The following ZNF385D variants were observed in gnomAD, a reference collection of about 807,000 sequenced individuals.
ZNF385D encodes zinc finger protein 659.
Under a neutral mutation model 35.8 loss-of-function variants are expected in ZNF385D, and 15 were observed. The observed-to-expected ratio is 0.42, with a 90% CI of 0.28 to 0.64. ZNF385D has a LOEUF of 0.64. ZNF385D is among the 30% of genes least tolerant of loss of function. The pLI is 0.23. For missense variants in ZNF385D, 474 were observed against 494.6 expected, an observed-to-expected ratio of 0.96 and a Z score of 0.39; for synonymous variants, 212 against 186.8, an observed-to-expected ratio of 1.13 and a Z score of -1.10.
intron 3 of ZNF385D, among the ~76,000 whole-genome samples, chr3:21,924,645 A>G (rs1230472200): frequency 6.6e-6 from 1 of 152,178 alleles, no homozygotes; most frequent in Admixed American, 6.5e-5. Context: ...GAGAAAGCCA[A>G]ATGGGGAGCT....
chr3:22,097,388 G>C (rs900076929), intron 3 of ZNF385D, among the ~76,000 whole-genome samples: 5 of 151,996 alleles, frequency 3.3e-5, no homozygotes, highest in Admixed American at 2.0e-4. Flanking sequence ...GTATTAGTGG[G>C]AGTCTAAGAT....
intron 2 of ZNF385D, among the ~76,000 whole-genome samples, chr3:22,267,062 T>C (rs1362160082): frequency 1.3e-5 from 2 of 151,970 alleles, no homozygotes; most frequent in African/African-American, 4.8e-5. Flanking sequence ...TGAAGTTTAA[T>C]TTCTAAAGCA....
intron 2 of ZNF385D, among the ~76,000 whole-genome samples, chr3:21,597,235 G>A (rs912680612): frequency 1.1e-4 from 16 of 151,848 alleles, no homozygotes; most frequent in Admixed American, 2.6e-4. Context: ...ACACTCATAG[G>A]ATTATTTTCA....
chr3:21,876,697 A>ATT (rs201353223), intron 3 of ZNF385D, among the ~76,000 whole-genome samples: 21 of 147,122 alleles, frequency 1.4e-4, no homozygotes, highest in South Asian at 4.3e-4. Context: ...TATATTTTTG[A>ATT]TTTTTTTTTT....
chr3:21,958,221 CA>C (rs1702390298), intron 3 of ZNF385D, among the ~76,000 whole-genome samples: 1 of 152,040 alleles, frequency 6.6e-6, no homozygotes, highest in Non-Finnish European at 1.5e-5. Context: ...CAATAATGGG[CA>C]AAATCATTTT....
rs1575141623 is a variant in ZNF385D at position 21,436,839 on chromosome 3, G to C, written c.673+131C>G. 1.9e-5 allele frequency: 17 copies of C among 876,614 alleles called. No homozygotes were observed. The East Asian group carries it at 4.5e-4, about 23-fold the overall frequency. The allele number at this position is 876,614 out of a possible 1,614,324, so 54.3% of individuals were successfully genotyped here. The stretch of plus-strand genomic sequence containing the variant: ...TTGCTCGTCATTTTTATTTTTTAAT[G>C]GTTAATGATTTCCATGTAATAATTG... On this transcript the variant is annotated intron_variant, in intron 5 of 7. Transcript: ENST00000281523.
chr3:21,582,292 G>A (rs1015281347), intron 2 of ZNF385D, among the ~76,000 whole-genome samples: 2 of 152,120 alleles, frequency 1.3e-5, no homozygotes, highest in African/African-American at 4.8e-5. Context: ...AGGCAGAAAT[G>A]CATACACATT....
chr3:21,474,213 C>T (rs3860575), intron 4 of ZNF385D, among the ~76,000 whole-genome samples: 39,036 of 151,638 alleles, frequency 0.26, 5,515 homozygotes, highest in African/African-American at 0.37. Context: ...CCATGGCTTA[C>T]GTAGGGAAAC....
chr3:21,787,617 T>A (rs2071746470), intron 3 of ZNF385D, among the ~76,000 whole-genome samples: 2 of 152,068 alleles, frequency 1.3e-5, no homozygotes. Context: ...GCCAGCTTCC[T>A]ACCCAATCAC....
rs115615127 is a variant in ZNF385D at position 21,937,933 on chromosome 3, C to A, written c.325+230884G>T. Among the ~76,000 whole-genome samples the A allele has an allele frequency of 2.2e-3, 341 of 152,260 alleles. 2 individuals carry two copies. Among genetic ancestry groups the A allele is most frequent in the African/African-American group, 7.7e-3 (321 of 41,560 alleles). ...AAGACCAAAAGTAGAAAATAACATT[C>A]TTCAAAAAATGTCTTTCTTGCAACA... On this transcript the variant is annotated intron_variant, in intron 3 of 5. Coordinates refer to the ZNF385D transcript ENST00000494108.
intron 3 of ZNF385D, among the ~76,000 whole-genome samples, chr3:21,874,402 T>A (rs943553504): frequency 1.3e-5 from 2 of 152,100 alleles, no homozygotes; most frequent in African/African-American, 4.8e-5. Flanking sequence ...TTTTTAGATA[T>A]TAACTCCTTA....
At chr3:21,796,555 T>A (rs567228775) in intron 3 of ZNF385D, among the ~76,000 whole-genome samples, 4 of 148,218 alleles carry the variant, frequency 2.7e-5, no homozygotes, top group East Asian at 3.9e-4. Context: ...CAAAAAAAAT[T>A]TTTTTTTAAA....
chr3:22,237,300 C>T lies in ZNF385D; in HGVS notation c.107-68265G>A, dbSNP rs140475489. Among the ~76,000 whole-genome samples the T allele has an allele frequency of 2.7e-3, 408 of 152,254 alleles. 1 individual carries two copies. The highest frequency in any genetic ancestry group is 9.5e-3 in the African/African-American group (393 of 41,536). On this transcript the variant is annotated intron_variant, in intron 2 of 5. Transcript: ENST00000494108. ...AATGAGTTGAGCATCTTTTCATGTG[C>T]CTACTGGCTATTTGTATATCTCTTG...
intron 3 of ZNF385D, among the ~76,000 whole-genome samples, chr3:22,089,229 C>T (rs1701197785): frequency 6.6e-6 from 1 of 152,140 alleles, no homozygotes; most frequent in African/African-American, 2.4e-5. Flanking sequence ...CTCCTACTTT[C>T]TTCACATTAT....
intron 2 of ZNF385D, among the ~76,000 whole-genome samples, chr3:22,197,442 G>C (rs552053683): frequency 3.3e-5 from 5 of 152,062 alleles, no homozygotes; most frequent in Admixed American, 3.3e-4. Context: ...AATCTCTCCA[G>C]CTTTGACCAA....
chr3:22,147,016 C>G (rs1704902833), intron 3 of ZNF385D, among the ~76,000 whole-genome samples: 1 of 152,154 alleles, frequency 6.6e-6, no homozygotes, highest in Non-Finnish European at 1.5e-5. Flanking sequence ...AAGCTACACT[C>G]TGGTTGTTAG....
At chr3:21,897,402 C>T (rs1482278973) in intron 3 of ZNF385D, among the ~76,000 whole-genome samples, 1 of 152,192 alleles carries the variant, frequency 6.6e-6, no homozygotes, top group Admixed American at 6.5e-5. Context: ...TCCGTAGTCT[C>T]ATGACTAGCT....
intron 3 of ZNF385D, among the ~76,000 whole-genome samples, chr3:22,115,517 T>C (rs949469498): frequency 6.6e-6 from 1 of 152,072 alleles, no homozygotes; most frequent in African/African-American, 2.4e-5. Flanking sequence ...ATGGTCATTT[T>C]CAAGATTTTC....
chr3:21,802,381 G>A (rs6419842), intron 3 of ZNF385D, among the ~76,000 whole-genome samples: 149,082 of 152,272 alleles, frequency 0.98, 72,983 homozygotes, highest in East Asian at 1. Flanking sequence ...ATTGTTTCCA[G>A]AACAACTTGT....
Sources: gnomAD v4.1 joint callset for allele counts (sites outside exome capture counted in the v4.1 genomes callset) on GRCh38, gnomAD v4.1.1 for gene constraint, MANE v1.5 for transcripts, NCBI Gene and HGNC (gene_info 2026-07-23, HGNC 2026-07-21) for gene names.